AOPEP: variants seen among roughly 807,000 people sequenced by gnomAD.
The protein encoded by AOPEP is aminopeptidase O (putative), also known as aminopeptidase O.
Under a neutral mutation model 98.1 loss-of-function variants are expected in AOPEP, and 77 were observed. The ratio of observed to expected loss-of-function variants is 0.78; its 90% confidence interval spans 0.65 to 0.95. The LOEUF (loss-of-function observed/expected upper bound fraction) is 0.95, where lower values mean the gene tolerates loss of function less well. Among genes scored for constraint, AOPEP ranks in the 40% least tolerant of loss-of-function variants. AOPEP has a pLI of 0.00. For missense variants in AOPEP, 1,024 were observed against 1,024.7 expected (o/e 1.00, Z 0.01); for synonymous variants, 346 against 365.3 (o/e 0.95, Z 0.60).
At chr9:95,085,507 C>G (rs767630390) in intron 16 of AOPEP, 1 of 529,042 alleles carries the variant, frequency 1.9e-6, no homozygotes, top group Non-Finnish European at 3.9e-6. Flanking sequence ...CCGCTTTGTT[C>G]ACAGTGGCTA....
chr9:94,839,320 C>T (rs2042014286), intron 5 of AOPEP, among the ~76,000 whole-genome samples: 1 of 152,044 alleles, frequency 6.6e-6, no homozygotes, highest in African/African-American at 2.4e-5. Flanking sequence ...GATCTCCTGA[C>T]CATGTGATCC....
intron 14 of AOPEP, among the ~76,000 whole-genome samples, chr9:95,077,374 C>T (rs546260583): frequency 3.3e-5 from 5 of 152,302 alleles, no homozygotes; most frequent in South Asian, 2.1e-4. Flanking sequence ...GACAACTGCC[C>T]GGGTCCACAG....
At chr9:94,983,695 C>T (rs1359630088) in intron 11 of AOPEP, among the ~76,000 whole-genome samples, 2 of 152,292 alleles carry the variant, frequency 1.3e-5, no homozygotes, top group Non-Finnish European at 2.9e-5. Flanking sequence ...CGCCCGCTCA[C>T]GACTGTCGGT....
At chr9:94,855,718 T>C (rs10993371) in intron 5 of AOPEP, among the ~76,000 whole-genome samples, 2,157 of 152,054 alleles carry the variant, frequency 0.014, 47 homozygotes, top group East Asian at 0.089. Flanking sequence ...AAAAAGAAAT[T>C]GTGGGGCATC....
At chr9:95,111,463 CAT>C in the AOPEP span, 1 of 1,612,368 alleles carries the variant, frequency 6.2e-7, no homozygotes, top group Non-Finnish European at 8.5e-7. Flanking sequence ...TGCTACCCAC[CAT>C]AGTCTGTGCT....
chr9:94,982,020 G>A (rs1406433874), intron 11 of AOPEP, among the ~76,000 whole-genome samples: 1 of 152,162 alleles, frequency 6.6e-6, no homozygotes, highest in East Asian at 1.9e-4. Flanking sequence ...AGAAGCAAAA[G>A]AAATTGGATC....
At chr9:94,931,944 AAGAC>A (rs1342815631) in intron 7 of AOPEP, 3 of 1,134,972 alleles carry the variant, frequency 2.6e-6, no homozygotes, top group Non-Finnish European at 3.6e-6. Flanking sequence ...AAGGCTCAGA[AAGAC>A]TGAGTAATGC....
At chr9:95,144,254 C>T in the AOPEP span, among the ~76,000 whole-genome samples, 6 of 152,306 alleles carry the variant, frequency 3.9e-5, no homozygotes, top group South Asian at 4.1e-4. Context: ...CCAGCTCTTA[C>T]GCCACTGCTT....
rs372135961 is a variant in AOPEP at position 95,086,129 on chromosome 9, C to G, written c.*5-553C>G. Reference sequence around the variant, plus strand: ...AAAAGCCTTCGTGTCTGTAAGTGCCCGAGGCTCAGGAGAGCTGGGGCTCCC... The same window carrying G: ...AAAAGCCTTCGTGTCTGTAAGTGCCGGAGGCTCAGGAGAGCTGGGGCTCCC... On this transcript the variant is annotated intron_variant, in intron 16 of 16. Coordinates refer to ENST00000375315, the MANE Select transcript of AOPEP (RefSeq NM_001193329.3). The G allele has an allele frequency of 1.0e-5, 14 of 1,361,178 alleles. No individual in the cohort carries two copies. In the African/African-American group the frequency reaches 1.8e-4, roughly 17 times the overall value. 84.3% of individuals were successfully genotyped at this position (1,361,178 alleles called of 1,614,324 possible). A position where few individuals can be genotyped will look rare whatever the true frequency, so the allele number is the denominator to read the frequency against.
chr9:94,740,956 C>G (rs1274366827), intron 1 of AOPEP, among the ~76,000 whole-genome samples: 1 of 152,184 alleles, frequency 6.6e-6, no homozygotes, highest in East Asian at 1.9e-4. Context: ...CAGTAAGCAT[C>G]AGCTGTTATA....
intron 7 of AOPEP, 23 bp from the exon 8 acceptor site, chr9:94,955,154 A>C (rs1238765489): frequency 7.1e-7 from 1 of 1,405,236 alleles, no homozygotes. Flanking sequence ...ATACTTAAAT[A>C]AATTGTTACT....
At chr9:94,795,541 T>G (rs2133571765) in intron 4 of AOPEP, among the ~76,000 whole-genome samples, 1 of 152,344 alleles carries the variant, frequency 6.6e-6, no homozygotes, top group Non-Finnish European at 1.5e-5. Context: ...GATTGATTGT[T>G]AGAGGAGCTG....
At chr9:95,127,256 G>A in the AOPEP span, 1 of 152,644 alleles carries the variant, frequency 6.6e-6, no homozygotes, top group South Asian at 2.1e-4. Flanking sequence ...CACTGGCCCA[G>A]TCCCTGGTTC....
At chr9:94,985,034 C>T (rs138872290) in intron 11 of AOPEP, among the ~76,000 whole-genome samples, 189 of 152,364 alleles carry the variant, frequency 1.2e-3, no homozygotes, top group African/African-American at 4.3e-3. Context: ...GAGGTGTGAA[C>T]CACAAGCACA....
the AOPEP span, chr9:95,113,773 C>A: frequency 6.6e-6 from 1 of 152,174 alleles, no homozygotes; most frequent in Admixed American, 6.5e-5. Flanking sequence ...CAGGCACCCG[C>A]CACCACGCCC....
intron 14 of AOPEP, among the ~76,000 whole-genome samples, chr9:95,076,716 A>AG (rs2069112069): frequency 6.6e-6 from 1 of 152,246 alleles, no homozygotes; most frequent in South Asian, 2.1e-4. Context: ...CCTGCACAGT[A>AG]GGGACTGAAG....
the AOPEP span, among the ~76,000 whole-genome samples, chr9:95,149,640 GACTAATT>G: frequency 7.9e-5 from 12 of 152,002 alleles, no homozygotes; most frequent in African/African-American, 2.4e-4. Flanking sequence ...CACCATGCTT[GACTAATT>G]TTTGCATTTT....
intron 13 of AOPEP, among the ~76,000 whole-genome samples, chr9:95,010,751 CTG>C (rs2062440402): frequency 6.6e-6 from 1 of 152,208 alleles, no homozygotes; most frequent in African/African-American, 2.4e-5. Context: ...TCCTCCCTAA[CTG>C]TGAGTGGCTT....
rs2067126712 is a variant in AOPEP at position 95,059,451 on chromosome 9, G to T, written c.2116-1243G>T. Among the ~76,000 whole-genome samples the T allele has an allele frequency of 2.0e-5, 3 of 152,010 alleles. No individual in the cohort carries two copies. The South Asian group carries it at 6.2e-4, about 32-fold the overall frequency. On this transcript the variant is annotated intron_variant, in intron 13 of 16. Transcript: ENST00000375315. The stretch of plus-strand genomic sequence containing the variant: ...CAGATACCTAGTGGAATGGTGCGGT[G>T]GGTGTGGTGTTTGCAGTGCTTGCTG...
Sources: gnomAD v4.1 joint callset for allele counts (sites outside exome capture counted in the v4.1 genomes callset) on GRCh38, gnomAD v4.1.1 for gene constraint, MANE v1.5 for transcripts, NCBI Gene and HGNC (gene_info 2026-07-23, HGNC 2026-07-21) for gene names.